Variants in WAPL observed in about 807,000 individuals in gnomAD.
WAPL encodes WAPL cohesin release factor, also known as wings apart-like protein homolog.
Under a neutral mutation model 121.0 loss-of-function variants are expected in WAPL, and 5 were observed. The ratio of observed to expected loss-of-function variants is 0.04; its 90% CI spans 0.02 to 0.09. The LOEUF is 0.09. Among genes scored for constraint, WAPL ranks in the 10% least tolerant of loss-of-function variants. WAPL has a pLI of 1.00. For missense variants in WAPL, 999 were observed against 1,410.8 expected (o/e 0.71, Z 4.68); for synonymous variants, 480 against 481.5 (o/e 1.00, Z 0.04).
Position 86,518,075 on chromosome 10 carries a change from C to A in WAPL, c.-6G>T, listed in dbSNP as rs201045237. The A allele has an allele frequency of 1.3e-4, 203 of 1,610,332 alleles. 1 individual carries two copies. The East Asian group carries it at 2.2e-3, about 18-fold the overall frequency. ...TTCCCAAATCTGGATGTCATTTTGA[C>A]ACCAGTTTCATATTCTCTGTGAAAA... On this transcript the variant is annotated 5_prime_UTR_variant, in exon 2 of 19. Coordinates refer to ENST00000298767, the MANE Select transcript of WAPL (RefSeq NM_015045.5).
At position 86,509,569 on chromosome 10, in the gene WAPL, G is replaced by A. The variant is rs367760080; in HGVS notation, c.499+8002C>T. 2.7e-4 allele frequency among the ~76,000 whole-genome samples: 41 copies of A among 152,266 alleles called. No individual in the cohort carries two copies. In the East Asian group the frequency reaches 3.7e-3, roughly 14 times the overall value. Reference sequence around the variant, plus strand: ...TATTCTATCTTCCCCAGTACAATGCGAGAAATGCAAGTGAGTCCATCTTGT... The same window carrying A: ...TATTCTATCTTCCCCAGTACAATGCAAGAAATGCAAGTGAGTCCATCTTGT... On this transcript the variant is annotated intron_variant, in intron 2 of 18. Transcript: ENST00000298767.
intron 4 of WAPL, among the ~76,000 whole-genome samples, chr10:86,483,784 ATTTT>A (rs68056280): frequency 1.5e-5 from 2 of 131,368 alleles, no homozygotes; most frequent in African/African-American, 2.9e-5. Flanking sequence ...AAAAAAAAAA[ATTTT>A]TTTTTCTTTT....
At chr10:86,479,116 C>T (rs907526354) in intron 4 of WAPL, among the ~76,000 whole-genome samples, 1 of 147,840 alleles carries the variant, frequency 6.8e-6, no homozygotes, top group African/African-American at 2.5e-5. Context: ...CAAAAACAAA[C>T]AAAAAAAACA....
intron 9 of WAPL, among the ~76,000 whole-genome samples, chr10:86,465,706 A>T (rs1004788737): frequency 2.0e-5 from 3 of 152,182 alleles, no homozygotes; most frequent in African/African-American, 4.8e-5. Context: ...GTGTAATGGC[A>T]TGGGGATCCC....
At chr10:86,454,965 G>A (rs568050924) in intron 12 of WAPL, among the ~76,000 whole-genome samples, 99 of 147,830 alleles carry the variant, frequency 6.7e-4, no homozygotes, top group Non-Finnish European at 1.1e-3. Context: ...CCCGGCAGCC[G>A]CCCGGTCTGG....
rs567499018 is a variant in WAPL at position 86,521,390 on chromosome 10, C to T, written c.-48G>A. 6.9e-6 allele frequency: 2 copies of T among 290,978 alleles called. No homozygotes were observed. Among genetic ancestry groups the T allele is most frequent in the East Asian group, 1.7e-4 (1 of 5,966 alleles). The allele number at this position is 290,978 out of a possible 1,614,324, so 18.0% of individuals were successfully genotyped here. ...CCTCGGAGCCTGGCGGGTGCTTTGG[C>T]CACGGGCCGCCTCCGCCTCTCCCGC... On this transcript the variant is annotated 5_prime_UTR_variant, in exon 1 of 19. Coordinates refer to ENST00000298767, the MANE Select transcript of WAPL (RefSeq NM_015045.5).
At position 86,437,901 on chromosome 10, in the gene WAPL, T is replaced by A; in HGVS notation, c.3507+19A>T. 6.5e-7 allele frequency: 1 copy of A among 1,540,782 alleles called. No homozygotes were observed. Among genetic ancestry groups the A allele is most frequent in the South Asian group, 1.1e-5 (1 of 89,038 alleles). On this transcript the variant is annotated intron_variant, in intron 18 of 18. Transcript: ENST00000298767. ...ATTATAAATTTAAAATCATATAAGC[T>A]GTAATAAAAGCTACTTACAGTGAGA...
intron 4 of WAPL, among the ~76,000 whole-genome samples, chr10:86,491,894 C>T (rs1564581098): frequency 6.6e-6 from 1 of 152,180 alleles, no homozygotes; most frequent in East Asian, 1.9e-4. Context: ...AGAGCACCTA[C>T]AATCTACTCT....
chr10:86,479,410 C>G (rs991581010), intron 4 of WAPL, among the ~76,000 whole-genome samples: 1 of 152,092 alleles, frequency 6.6e-6, no homozygotes, highest in Non-Finnish European at 1.5e-5. Flanking sequence ...AGCGCCAGCA[C>G]GCCTGGCTAA....
chr10:86,476,681 T>A (rs989634558), intron 4 of WAPL, among the ~76,000 whole-genome samples: 8 of 136,314 alleles, frequency 5.9e-5, no homozygotes, highest in African/African-American at 2.1e-4. Flanking sequence ...AAAGCGAGAC[T>A]GTCTTTAAAA....
intron 14 of WAPL, among the ~76,000 whole-genome samples, chr10:86,452,970 C>T (rs547192619): frequency 2.8e-5 from 3 of 107,890 alleles, no homozygotes; most frequent in East Asian, 3.0e-4. Flanking sequence ...ACCAGGGAGG[C>T]GGAGGTTGCA....
chr10:86,441,931 T>C (rs1450976369), intron 17 of WAPL, among the ~76,000 whole-genome samples: 1 of 152,234 alleles, frequency 6.6e-6, no homozygotes, highest in African/African-American at 2.4e-5. Context: ...GACTCTGCCA[T>C]CTTGTTTAAG....
chr10:86,437,529 C>T lies in WAPL; in HGVS notation c.*14G>A. The T allele has an allele frequency of 6.2e-7, 1 of 1,612,366 alleles. No individual in the cohort carries two copies. Among genetic ancestry groups the T allele is most frequent in the Non-Finnish European group, 8.5e-7 (1 of 1,179,390 alleles). ...CTCCAGCATTACCGAGCACCTGAAGCAAAGGTAAAGCAGCTAGCAATGTTC... is the reference window on the plus strand; with the variant it reads ...CTCCAGCATTACCGAGCACCTGAAGTAAAGGTAAAGCAGCTAGCAATGTTC... On this transcript the variant is annotated 3_prime_UTR_variant, in exon 19 of 19. Transcript: ENST00000298767.
In WAPL at chr10:86,453,705, G is replaced by A; in HGVS notation, c.2784C>T (p.Asp928=). 4 of 1,613,662 alleles carry A rather than the reference G, an allele frequency of 2.5e-6. No individual in the cohort carries two copies. The South Asian group carries it at 4.4e-5, about 18-fold the overall frequency. ...VTNHVGKAVE[D]CMRAIIGVLL... ...ACACCCCGATGATGGCCCTCATGCA[G>A]TCCTCCACTGCTTTGCCTACATGGT... Residue 928 remains aspartate, a synonymous_variant, in exon 13 of 19, where the codon GAC becomes GAT. Coordinates refer to ENST00000298767, the MANE Select transcript of WAPL (RefSeq NM_015045.5).
Position 86,452,059 on chromosome 10 carries a change from A to G in WAPL, c.3022T>C (p.Ser1008Pro). 1 of 1,614,216 alleles carries G rather than the reference A, an allele frequency of 6.2e-7. No homozygotes were observed. The highest frequency in any genetic ancestry group is 8.5e-7 in the Non-Finnish European group (1 of 1,180,034). The stretch of plus-strand genomic sequence containing the variant: ...CAGATGGAAGAATCAAAAGAGCACG[A>G]TGTTTCCATGTTGACAAGACAGTGC... ...NRHCLVNMET[S>P]CSFDSSICSG... Residue 1008 changes from serine to proline, a missense_variant, in exon 15 of 19, where the codon TCG becomes CCG. By Grantham distance (74) the Ser-to-Pro change is moderately conservative. This residue lies in a region of WAPL where 126 missense variants were observed against 144.0 expected (regional missense o/e 0.87). Coordinates refer to ENST00000298767, the MANE Select transcript of WAPL (RefSeq NM_015045.5).
chr10:86,450,000 A>C (rs1314189587), intron 15 of WAPL, among the ~76,000 whole-genome samples: 1 of 152,226 alleles, frequency 6.6e-6, no homozygotes, highest in Non-Finnish European at 1.5e-5. Context: ...AAATGAATGC[A>C]GATGAAAATG....
Position 86,500,012 on chromosome 10 carries a change from T to C in WAPL, c.1231A>G (p.Thr411Ala), listed in dbSNP as rs1842217448. The C allele has an allele frequency of 1.2e-6, 2 of 1,614,134 alleles. No homozygotes were observed. The highest frequency in any genetic ancestry group is 1.7e-6 in the Non-Finnish European group (2 of 1,180,010). ...KADIATSKTT[T>A]RFRPSNTKSK... is the part of the protein sequence containing the mutation. ...TTAGTATTACTAGGTCGAAATCTAG[T>C]AGTAGTCTTAGAAGTTGCAATATCT... is the stretch of plus-strand genomic sequence containing the variant. Residue 411 changes from threonine to alanine, a missense_variant, in exon 3 of 19, where the codon ACT (threonine) becomes GCT (alanine). By Grantham distance (58) the Thr-to-Ala change is moderately conservative. Around this residue, in one of 7 missense-constraint regions of WAPL, gnomAD observed 531 missense variants for 563.1 expected, o/e 0.94. Coordinates refer to ENST00000298767, the MANE Select transcript of WAPL (RefSeq NM_015045.5).
chr10:86,467,361 T>C lies in WAPL; in HGVS notation c.2288A>G (p.Lys763Arg). The C allele has an allele frequency of 1.2e-6, 2 of 1,614,096 alleles. No homozygotes were observed. Among genetic ancestry groups the C allele is most frequent in the Non-Finnish European group, 1.7e-6 (2 of 1,180,022 alleles). ...TTTTTCTTTAATTTTGTTCATGTCTTTTTCATTCAGTAGCTTGGCTGATGA... is the reference window on the plus strand; with the variant it reads ...TTTTTCTTTAATTTTGTTCATGTCTCTTTCATTCAGTAGCTTGGCTGATGA... Reference protein sequence around the residue: ...DASSAKLLNEKDMNKIKEKIR... With the variant: ...DASSAKLLNERDMNKIKEKIR... Residue 763 changes from lysine to arginine, a missense_variant, in exon 9 of 19, where the codon AAA (lysine) becomes AGA (arginine). Transcript: ENST00000298767.
In WAPL at chr10:86,469,376, C is replaced by T. The variant is rs186865721; in HGVS notation, c.2142+1616G>A. 8.0e-4 allele frequency among the ~76,000 whole-genome samples: 122 copies of T among 151,556 alleles called. 2 individuals are homozygous for T. Among genetic ancestry groups the T allele is most frequent in the African/African-American group, 2.6e-3 (109 of 41,314 alleles). On this transcript the variant is annotated intron_variant, in intron 8 of 18. Transcript: ENST00000298767. Reference sequence around the variant, plus strand: ...CCAGCAATTCTTGTGCCTCAGCCTCCTGAGTGGCTGGGATTACAGGCAAGC... The same window carrying T: ...CCAGCAATTCTTGTGCCTCAGCCTCTTGAGTGGCTGGGATTACAGGCAAGC...
Sources: gnomAD v4.1 joint callset for allele counts (sites outside exome capture counted in the v4.1 genomes callset) on GRCh38, gnomAD v4.1.1 for gene constraint, gnomAD v4.1.1 regional missense constraint, MANE v1.5 for transcripts, NCBI Gene and HGNC (gene_info 2026-07-23, HGNC 2026-07-21) for gene names.